The following NCK1 variants were observed in gnomAD, a reference collection of about 807,000 sequenced individuals.
NCK1 encodes the protein SH2/SH3 adapter protein NCK1.
In NCK1, 19 loss-of-function variants were observed where a neutral mutation model predicts 36.6. The ratio of observed to expected loss-of-function variants is 0.52; its 90% CI spans 0.36 to 0.76. NCK1 has a LOEUF of 0.76. Ranked by LOEUF, NCK1 falls within the 30% of genes least tolerant of loss-of-function variation. The pLI is 0.00. For missense variants in NCK1, 358 were observed against 445.6 expected, an observed-to-expected ratio of 0.80 and a Z score of 1.77; for synonymous variants, 165 against 156.0, an observed-to-expected ratio of 1.06 and a Z score of -0.43.
intron 1 of NCK1, among the ~76,000 whole-genome samples, chr3:136,900,480 G>C (rs1576963470): frequency 6.6e-6 from 1 of 152,122 alleles, no homozygotes; most frequent in East Asian, 1.9e-4. Flanking sequence ...TTGGTATTTT[G>C]ATAGCCATTG....
intron 2 of NCK1, among the ~76,000 whole-genome samples, chr3:136,939,857 T>G (rs867945043): frequency 2.5e-4 from 17 of 67,638 alleles, no homozygotes; most frequent in Non-Finnish European, 9.3e-5. Flanking sequence ...TTTTTTTTTT[T>G]TTTTTAAAAT....
intron 1 of NCK1, among the ~76,000 whole-genome samples, chr3:136,901,805 C>A (rs1939548113): frequency 6.6e-6 from 1 of 151,914 alleles, no homozygotes; most frequent in Admixed American, 6.6e-5. Flanking sequence ...TATTGATTTA[C>A]CTTTTCAAAA....
rs1940296887 is a variant in NCK1 at position 136,928,245 on chromosome 3, A to T, written c.226+18A>T. The T allele has an allele frequency of 6.3e-7, 1 of 1,578,976 alleles. No individual in the cohort carries two copies. Among genetic ancestry groups the T allele is most frequent in the Non-Finnish European group, 8.6e-7 (1 of 1,165,998 alleles). On this transcript the variant is annotated intron_variant, in intron 2 of 3. Transcript: ENST00000481752. ...TACCTTAGGTAAGATATTTTTTAAA[A>T]GAAAAGCAACTTTGTTTTAAATGAA... is the stretch of plus-strand genomic sequence containing the variant.
intron 1 of NCK1, among the ~76,000 whole-genome samples, chr3:136,911,809 A>C (rs1939832683): frequency 6.6e-6 from 1 of 151,884 alleles, no homozygotes; most frequent in African/African-American, 2.4e-5. Context: ...GGAAAGTCAT[A>C]ATTTTTCCCT....
chr3:136,915,944 T>C (rs1032087082), intron 1 of NCK1, among the ~76,000 whole-genome samples: 8 of 152,144 alleles, frequency 5.3e-5, no homozygotes, highest in African/African-American at 1.7e-4. Context: ...CATGCTGGTC[T>C]CGAACTCCTG....
At chr3:136,945,524 A>G (rs1236653869) in intron 2 of NCK1, 59 bp from the exon 3 acceptor site, 10 of 1,247,416 alleles carry the variant, frequency 8.0e-6, no homozygotes, top group Non-Finnish European at 1.1e-5. Flanking sequence ...GAATAAGTTC[A>G]TTCTTTTGGT....
chr3:136,919,215 A>T (rs1032224213), intron 1 of NCK1, among the ~76,000 whole-genome samples: 1 of 149,046 alleles, frequency 6.7e-6, no homozygotes, highest in Non-Finnish European at 1.5e-5. Context: ...GCATAAAGCA[A>T]TTTTTTTTTT....
At chr3:136,917,956 G>A (rs1245140906) in intron 1 of NCK1, among the ~76,000 whole-genome samples, 2 of 152,172 alleles carry the variant, frequency 1.3e-5, no homozygotes, top group African/African-American at 4.8e-5. Flanking sequence ...TAAATTTCTT[G>A]TGTTGCTTCT....
rs556748370 is a variant in NCK1 at position 136,890,903 on chromosome 3, A to G, written c.-19+28550A>G. Among the ~76,000 whole-genome samples the G allele has an allele frequency of 3.9e-4, 59 of 152,138 alleles. No individual in the cohort carries two copies. In the South Asian group the frequency reaches 7.3e-3, roughly 19 times the overall value. ...AACTCCCAAGTCTGCCATCCCCCCA[A>G]CCTCTGGCAATCACCATTCTACTTT... On this transcript the variant is annotated intron_variant, in intron 1 of 3. Coordinates refer to ENST00000481752, the MANE Select transcript of NCK1 (RefSeq NM_001291999.2).
In NCK1 at chr3:136,888,770, C is replaced by G. The variant is rs918900770; in HGVS notation, c.-19+26417C>G. ...CATTAATCTGCCTTCTGTCTCTATACATTTGCTCATTCTGAACCTTTCATA... is the reference window on the plus strand; with the variant it reads ...CATTAATCTGCCTTCTGTCTCTATAGATTTGCTCATTCTGAACCTTTCATA... On this transcript the variant is annotated intron_variant, in intron 1 of 3. Transcript: ENST00000481752. Among the ~76,000 whole-genome samples, 4 of 152,186 alleles carry G rather than the reference C, an allele frequency of 2.6e-5. No individual in the cohort carries two copies. The East Asian group carries it at 7.7e-4, about 29-fold the overall frequency.
intron 1 of NCK1, among the ~76,000 whole-genome samples, chr3:136,867,175 TCC>T (rs879372529): frequency 0.29 from 15,382 of 52,380 alleles, 2,860 homozygotes; most frequent in East Asian, 0.58. Context: ...CTTCCTTCCT[TCC>T]TTCTTTCTTT....
rs1940940059 is a variant in NCK1 at position 136,950,271 on chromosome 3, G to T, written c.*1818G>T. On this transcript the variant is annotated 3_prime_UTR_variant, in exon 4 of 4. Transcript: ENST00000481752. ...TTCCTTATGAAAAAAATGTATGTTTGTAAAAAGAGAACAATTAATGCTTTG... is the reference window on the plus strand; with the variant it reads ...TTCCTTATGAAAAAAATGTATGTTTTTAAAAAGAGAACAATTAATGCTTTG... Among the ~76,000 whole-genome samples, 1 of 151,978 alleles carries T rather than the reference G, an allele frequency of 6.6e-6. No homozygotes were observed. Among genetic ancestry groups the T allele is most frequent in the Non-Finnish European group, 1.5e-5 (1 of 67,934 alleles).
At chr3:136,938,667 A>G (rs1360332467) in intron 2 of NCK1, among the ~76,000 whole-genome samples, 1 of 152,194 alleles carries the variant, frequency 6.6e-6, no homozygotes, top group East Asian at 1.9e-4. Context: ...GATAAGCTTC[A>G]TTTAGGCATG....
At chr3:136,862,377 A>C (rs1938246445) in intron 1 of NCK1, 24 bp downstream of exon 1, 1 of 152,676 alleles carries the variant, frequency 6.5e-6, no homozygotes, top group Non-Finnish European at 1.5e-5. Context: ...GTTGGCAGGC[A>C]GACACACACA....
At chr3:136,912,995 CT>C (rs1939867751) in intron 1 of NCK1, among the ~76,000 whole-genome samples, 1 of 151,984 alleles carries the variant, frequency 6.6e-6, no homozygotes, top group South Asian at 2.1e-4. Flanking sequence ...CATTTTCCTA[CT>C]TTCTTTCTAC....
At chr3:136,902,902 C>G (rs1473840170) in intron 1 of NCK1, among the ~76,000 whole-genome samples, 1 of 152,208 alleles carries the variant, frequency 6.6e-6, no homozygotes, top group Non-Finnish European at 1.5e-5. Context: ...ATGCATCCAC[C>G]TGTGAAGTAG....
At chr3:136,941,372 C>G (rs1005400692) in intron 2 of NCK1, among the ~76,000 whole-genome samples, 5 of 151,982 alleles carry the variant, frequency 3.3e-5, no homozygotes, top group African/African-American at 1.2e-4. Flanking sequence ...TCAAGTGATC[C>G]GCCCACCTTG....
At chr3:136,938,390 T>G (rs1281590003) in intron 2 of NCK1, among the ~76,000 whole-genome samples, 3 of 152,190 alleles carry the variant, frequency 2.0e-5, no homozygotes, top group Non-Finnish European at 4.4e-5. Flanking sequence ...AATTGCAGTG[T>G]TTTGTGGACA....
At chr3:136,931,979 G>A (rs1407259008) in intron 2 of NCK1, among the ~76,000 whole-genome samples, 1 of 152,076 alleles carries the variant, frequency 6.6e-6, no homozygotes, top group African/African-American at 2.4e-5. Flanking sequence ...CATTAGCTGG[G>A]CGTGGTGGCG....
Sources: allele counts gnomAD v4.1 joint callset (sites outside exome capture counted in the v4.1 genomes callset), GRCh38; gene constraint gnomAD v4.1.1; transcripts MANE v1.5; gene names NCBI Gene and HGNC (gene_info 2026-07-23, HGNC 2026-07-21).